GPC5: variants seen among roughly 807,000 people sequenced by gnomAD.
GPC5 encodes the protein glypican 5.
A neutral mutation model predicts 53.9 loss-of-function variants in GPC5; 47 were observed. That is an observed-to-expected ratio of 0.87 (90% CI 0.69 to 1.11). GPC5 has a LOEUF of 1.11. Ranked by LOEUF, GPC5 falls within the 50% of genes most tolerant of loss-of-function variation. The pLI is 0.00. For synonymous variants in GPC5, 286 were observed against 263.3 expected, an observed-to-expected ratio of 1.09 and a Z score of -0.84; for missense variants, 748 against 713.1, an observed-to-expected ratio of 1.05 and a Z score of -0.56.
At chr13:92,380,478 C>A (rs572949494) in intron 7 of GPC5, among the ~76,000 whole-genome samples, 1 of 151,970 alleles carries the variant, frequency 6.6e-6, no homozygotes, top group South Asian at 2.1e-4. Flanking sequence ...AGAATACAGG[C>A]GCATTGTTTG....
At chr13:92,120,367 C>T (rs2041638762) in intron 6 of GPC5, among the ~76,000 whole-genome samples, 1 of 152,136 alleles carries the variant, frequency 6.6e-6, no homozygotes, top group African/African-American at 2.4e-5. Flanking sequence ...AAGTAATCCT[C>T]CTGCTTCAGC....
intron 6 of GPC5, among the ~76,000 whole-genome samples, chr13:92,141,189 A>G (rs569484534): frequency 6.6e-6 from 1 of 152,150 alleles, no homozygotes; most frequent in Non-Finnish European, 1.5e-5. Flanking sequence ...TTATTACAAT[A>G]TGAGAGTGAA....
Position 92,108,743 on chromosome 13 carries a change from G to A in GPC5, c.1402-36087G>A, listed in dbSNP as rs370203264. Among the ~76,000 whole-genome samples the A allele has an allele frequency of 1.6e-4, 25 of 152,016 alleles. No homozygotes were observed. In the East Asian group the frequency reaches 1.7e-3, roughly 11 times the overall value. On this transcript the variant is annotated intron_variant, in intron 6 of 7. Coordinates refer to ENST00000377067, the MANE Select transcript of GPC5 (RefSeq NM_004466.6). ...TATGTAGAAACATATTTCTACTTTG[G>A]ATCTCCTCTTGAACTTTTTTCTCTC...
chr13:91,615,262 A>T (rs1257450235), intron 2 of GPC5, among the ~76,000 whole-genome samples: 1 of 152,178 alleles, frequency 6.6e-6, no homozygotes, highest in Non-Finnish European at 1.5e-5. Flanking sequence ...CCATATCCCT[A>T]GGTAACTGGC....
At chr13:92,250,390 C>T (rs573777932) in intron 7 of GPC5, among the ~76,000 whole-genome samples, 4 of 152,094 alleles carry the variant, frequency 2.6e-5, no homozygotes, top group South Asian at 2.1e-4. Context: ...CTTATAATTA[C>T]GCTCACAGCT....
intron 2 of GPC5, among the ~76,000 whole-genome samples, chr13:91,464,037 TAA>T (rs955599915): frequency 1.3e-5 from 2 of 151,932 alleles, no homozygotes; most frequent in Non-Finnish European, 2.9e-5. Flanking sequence ...ATTCAACAGT[TAA>T]AAAAACCCAG....
At chr13:92,722,505 G>A (rs2139288595) in intron 7 of GPC5, among the ~76,000 whole-genome samples, 1 of 151,850 alleles carries the variant, frequency 6.6e-6, no homozygotes, top group African/African-American at 2.4e-5. Flanking sequence ...GAAATCCAAG[G>A]GCCCCACTTA....
At chr13:91,676,794 T>C (rs2035394074) in intron 2 of GPC5, among the ~76,000 whole-genome samples, 1 of 152,184 alleles carries the variant, frequency 6.6e-6, no homozygotes, top group Non-Finnish European at 1.5e-5. Context: ...TTAAGTTTCA[T>C]CCAGAGAATG....
chr13:91,751,666 G>T (rs913143222), intron 4 of GPC5, among the ~76,000 whole-genome samples: 2 of 152,166 alleles, frequency 1.3e-5, no homozygotes, highest in African/African-American at 2.4e-5. Flanking sequence ...ACTTCCAAGC[G>T]CCTGTGTGCC....
At chr13:91,989,480 A>G (rs1439025437) in intron 6 of GPC5, among the ~76,000 whole-genome samples, 1 of 152,186 alleles carries the variant, frequency 6.6e-6, no homozygotes, top group Admixed American at 6.5e-5. Context: ...TGGCTCTTTA[A>G]AACTGTATAA....
At chr13:92,184,596 T>C (rs1361386354) in intron 7 of GPC5, among the ~76,000 whole-genome samples, 7 of 152,228 alleles carry the variant, frequency 4.6e-5, no homozygotes, top group Non-Finnish European at 1.0e-4. Flanking sequence ...GATTAAACAT[T>C]GGTTGTTCTG....
intron 6 of GPC5, among the ~76,000 whole-genome samples, chr13:92,110,528 G>GA (rs565438897): frequency 5.6e-4 from 79 of 140,032 alleles, no homozygotes; most frequent in African/African-American, 6.8e-4. Flanking sequence ...TTCTCTAAAG[G>GA]AAAAAAAAAA....
chr13:92,423,328 C>A (rs533157866), intron 7 of GPC5, among the ~76,000 whole-genome samples: 2 of 152,238 alleles, frequency 1.3e-5, no homozygotes, highest in East Asian at 3.9e-4. Context: ...TTTAAAATTT[C>A]TTGAGTAGTA....
At position 91,815,748 on chromosome 13, in the gene GPC5, T is replaced by A. The variant is rs182013767; in HGVS notation, c.1280+59328T>A. Among the ~76,000 whole-genome samples, 6 of 152,340 alleles carry A rather than the reference T, an allele frequency of 3.9e-5. 1 individual carries two copies. Among genetic ancestry groups the A allele is most frequent in the African/African-American group, 1.4e-4 (6 of 41,588 alleles). On this transcript the variant is annotated intron_variant, in intron 5 of 7. Coordinates refer to ENST00000377067, the MANE Select transcript of GPC5 (RefSeq NM_004466.6). ...GCTTCTGTCTAGATCTGTGTTTTTCTACCATTTCTGTTTCGTTTCCACATA... is the reference window on the plus strand; with the variant it reads ...GCTTCTGTCTAGATCTGTGTTTTTCAACCATTTCTGTTTCGTTTCCACATA...
At chr13:92,338,533 T>C (rs1926648) in intron 7 of GPC5, among the ~76,000 whole-genome samples, 142,579 of 152,128 alleles carry the variant, frequency 0.94, 66,917 homozygotes, top group East Asian at 1. Flanking sequence ...CACATAAATG[T>C]GGTACATCCT....
intron 2 of GPC5, among the ~76,000 whole-genome samples, chr13:91,518,122 G>T (rs1885601689): frequency 6.6e-6 from 1 of 152,168 alleles, no homozygotes; most frequent in South Asian, 2.1e-4. Context: ...TTTAAAAATA[G>T]CTTAAATTAT....
chr13:92,051,294 C>T (rs1036226597), intron 6 of GPC5, among the ~76,000 whole-genome samples: 5 of 150,516 alleles, frequency 3.3e-5, no homozygotes, highest in African/African-American at 4.9e-5. Context: ...CTCTGCCTCC[C>T]GGGTTCAAGT....
intron 2 of GPC5, among the ~76,000 whole-genome samples, chr13:91,513,501 G>A (rs538330314): frequency 3.9e-4 from 60 of 152,226 alleles, no homozygotes; most frequent in Non-Finnish European, 7.1e-4. Flanking sequence ...AGCACTCTGG[G>A]AGGCTGAGAT....
chr13:91,732,329 C>A (rs1295009114), intron 4 of GPC5, among the ~76,000 whole-genome samples: 5 of 148,480 alleles, frequency 3.4e-5, no homozygotes, highest in African/African-American at 1.2e-4. Flanking sequence ...GCATAAATGT[C>A]TTCTCTTGAA....
Sources: allele counts gnomAD v4.1 joint callset (sites outside exome capture counted in the v4.1 genomes callset), GRCh38; gene constraint gnomAD v4.1.1; transcripts MANE v1.5; gene names NCBI Gene and HGNC (gene_info 2026-07-23, HGNC 2026-07-21).